The following TRPM1 variants were observed in gnomAD, a reference collection of about 807,000 sequenced individuals.
TRPM1 encodes transient receptor potential cation channel subfamily M member 1, also known as TRPM1-203 APA Isoform, Intron 10.
A neutral mutation model predicts 149.4 loss-of-function variants in TRPM1; 113 were observed. The ratio of observed to expected loss-of-function variants is 0.76; its 90% CI spans 0.65 to 0.88. TRPM1 has a LOEUF of 0.88. TRPM1 is among the 40% of genes least tolerant of loss of function. The probability of loss-of-function intolerance (pLI) is 0.00; values close to 1 mark genes in which losing one functional copy is unlikely to be tolerated. For synonymous variants in TRPM1, 741 were observed against 759.5 expected (o/e 0.98, Z 0.40); for missense variants, 1,976 against 2,038.7 (o/e 0.97, Z 0.59).
intron 1 of TRPM1, among the ~76,000 whole-genome samples, chr15:31,093,260 C>CAA (rs34790478): frequency 4.9e-4 from 31 of 63,206 alleles, no homozygotes; most frequent in African/African-American, 8.2e-4. Context: ...GACTTTGTCT[C>CAA]AAAAAAAAAA....
intron 1 of TRPM1, among the ~76,000 whole-genome samples, chr15:31,132,333 C>T (rs896621878): frequency 5.3e-5 from 8 of 152,208 alleles, no homozygotes; most frequent in Non-Finnish European, 8.8e-5. Context: ...AGCTCAAGTG[C>T]TCGGCTCCTG....
chr15:31,007,292 A>G (rs2032025714), intron 27 of TRPM1, among the ~76,000 whole-genome samples: 1 of 152,134 alleles, frequency 6.6e-6, no homozygotes, highest in African/African-American at 2.4e-5. Context: ...GGGGAAAGAA[A>G]TCAATTATCT....
intron 2 of TRPM1, among the ~76,000 whole-genome samples, chr15:31,080,035 A>G (rs1296254300): frequency 6.6e-6 from 1 of 152,228 alleles, no homozygotes; most frequent in Non-Finnish European, 1.5e-5. Context: ...ATGAAGAATT[A>G]TAACCTTTAG....
chr15:31,085,164 A>C (rs937060531), intron 1 of TRPM1, among the ~76,000 whole-genome samples: 2 of 152,164 alleles, frequency 1.3e-5, no homozygotes, highest in African/African-American at 2.4e-5. Flanking sequence ...TTTAAAAAAG[A>C]GAAAAAGGAG....
intron 14 of TRPM1, 128 bp from the exon 15 acceptor site, chr15:31,047,379 G>T: frequency 1.0e-6 from 1 of 1,004,708 alleles, no homozygotes. Context: ...GGGTGGGTGG[G>T]GGATTAAACA....
At position 31,001,345 on chromosome 15, in the gene TRPM1, T is replaced by G. The variant is rs1566980525; in HGVS notation, c.*477A>C. 1 of 152,594 alleles carries G rather than the reference T, an allele frequency of 6.6e-6. No individual in the cohort carries two copies. The highest frequency in any genetic ancestry group is 2.4e-5 in the African/African-American group (1 of 41,382). The allele number at this position is 152,594 out of a possible 1,614,324, so 9.5% of individuals were successfully genotyped here. On this transcript the variant is annotated 3_prime_UTR_variant, in exon 28 of 28. Transcript: ENST00000256552. Reference sequence around the variant, plus strand: ...ACACAGTTGCTTACTTTTTTTTTTTTTTTTAAGAGATGGGGTATCACTATG... The same window carrying G: ...ACACAGTTGCTTACTTTTTTTTTTTGTTTTAAGAGATGGGGTATCACTATG...
At chr15:31,042,363 A>C (rs2033646446) in intron 16 of TRPM1, 120 bp from the exon 17 acceptor site, 11 of 1,012,028 alleles carry the variant, frequency 1.1e-5, no homozygotes, top group African/African-American at 1.6e-5. Context: ...TCTGAAGTAC[A>C]TCTTACATTT....
At chr15:31,153,072 A>G (rs2036324568) in intron 1 of TRPM1, among the ~76,000 whole-genome samples, 1 of 152,228 alleles carries the variant, frequency 6.6e-6, no homozygotes, top group Non-Finnish European at 1.5e-5. Flanking sequence ...TATTTCTTTG[A>G]CATATTTTGG....
chr15:31,101,595 C>A, intron 1 of TRPM1, 62 bp downstream of exon 1: 2 of 956,308 alleles, frequency 2.1e-6, no homozygotes, highest in African/African-American at 3.5e-5. Context: ...TGAGTTTACC[C>A]ACACCTGAGG....
rs566064437 is a variant in TRPM1 at position 31,114,643 on chromosome 15, A to G, written c.55-37659T>C. On this transcript the variant is annotated intron_variant, in intron 1 of 26. Coordinates refer to the TRPM1 transcript ENST00000542188. ...TACTAAAAAGGCAGCTGACCTCTCAACAGAAGCAAAGAAGGGCAGAAGGTA... is the reference window on the plus strand; with the variant it reads ...TACTAAAAAGGCAGCTGACCTCTCAGCAGAAGCAAAGAAGGGCAGAAGGTA... Among the ~76,000 whole-genome samples, 51 of 152,352 alleles carry G rather than the reference A, an allele frequency of 3.3e-4. No homozygotes were observed. The South Asian group carries it at 0.01, about 31-fold the overall frequency.
At chr15:31,082,012 C>G (rs1214428244) in intron 1 of TRPM1, among the ~76,000 whole-genome samples, 1 of 152,126 alleles carries the variant, frequency 6.6e-6, no homozygotes, top group African/African-American at 2.4e-5. Context: ...CTGAACAATG[C>G]CAAGGTCATA....
At chr15:31,102,985 G>A (rs2035545935), upstream of TRPM1, among the ~76,000 whole-genome samples, 1 of 152,188 alleles carries the variant, frequency 6.6e-6, no homozygotes, top group African/African-American at 2.4e-5. Flanking sequence ...GGTGCTACGT[G>A]GCCGGAATTC....
rs2033640330 is a variant in TRPM1, at chr15:31,042,204, T to C, written c.1834A>G (p.Lys612Glu). Residue 612 changes from lysine (K) to glutamate (E), a missense_variant, in exon 17 of 28, where the codon AAG becomes GAG. Physicochemically the swap from Lys to Glu is moderately conservative, Grantham distance 56 (BLOSUM62 1). Transcript: ENST00000256552. ...ATGTCGATCTCTTCCTCCTTTTTCT[T>C]CTTTTTCTTTTTCTTCCCTTTAGCT... ...PPAKGKKKKKKKKEEEIDIDV... is the reference protein window; with the variant it reads ...PPAKGKKKKKEKKEEEIDIDV... 6.2e-7 allele frequency: 1 copy of C among 1,603,198 alleles called. No individual in the cohort carries two copies. The highest frequency in any genetic ancestry group is 8.5e-7 in the Non-Finnish European group (1 of 1,174,800).
intron 1 of TRPM1, among the ~76,000 whole-genome samples, chr15:31,144,711 G>GTTTTTTT (rs1567078292): frequency 1.4e-5 from 2 of 142,930 alleles, no homozygotes; most frequent in Non-Finnish European, 1.5e-5. Context: ...TTGTTTTTGA[G>GTTTTTTT]ATTTTTTTTT....
chr15:31,021,702 T>TAA (rs34186876), intron 27 of TRPM1, among the ~76,000 whole-genome samples: 355 of 119,358 alleles, frequency 3.0e-3, no homozygotes, highest in African/African-American at 0.01. Flanking sequence ...TCTCTAGAAT[T>TAA]AAAAAAAAAA....
intron 1 of TRPM1, among the ~76,000 whole-genome samples, chr15:31,133,498 C>T (rs916757048): frequency 6.6e-6 from 1 of 152,070 alleles, no homozygotes; most frequent in African/African-American, 2.4e-5. Flanking sequence ...GAGTTCAAGA[C>T]CAGCTTGGCC....
At chr15:31,113,877 G>A (rs932454042) in intron 1 of TRPM1, among the ~76,000 whole-genome samples, 3 of 152,202 alleles carry the variant, frequency 2.0e-5, no homozygotes, top group Admixed American at 2.0e-4. Flanking sequence ...AGGGTACCGA[G>A]CAAATTGACT....
chr15:31,052,885 G>T (rs906901944), intron 11 of TRPM1, among the ~76,000 whole-genome samples: 17 of 152,128 alleles, frequency 1.1e-4, no homozygotes, highest in African/African-American at 2.4e-5. Flanking sequence ...CAAAGGCACA[G>T]GCACAAACGG....
chr15:31,037,839 C>A lies in TRPM1; in HGVS notation c.2443G>T (p.Ala815Ser). The change falls in exon 20 of 28, where the codon GCA (alanine) becomes TCA (serine). Residue 815 changes from alanine to serine, a missense_variant. By Grantham distance (99) the Ala-to-Ser change is moderately conservative. Coordinates refer to ENST00000256552, the MANE Select transcript of TRPM1 (RefSeq NM_001252024.2). ...GKEKEEENTD[A>S]NADAGSRKGD... Reference sequence around the variant, plus strand: ...TTTCTTGAGCCAGCATCTGCATTTGCATCCTGGAAAACAGAGCACAGCACA... The same window carrying A: ...TTTCTTGAGCCAGCATCTGCATTTGAATCCTGGAAAACAGAGCACAGCACA... 6.2e-7 allele frequency: 1 copy of A among 1,614,132 alleles called. No individual in the cohort carries two copies. Among genetic ancestry groups the A allele is most frequent in the Non-Finnish European group, 8.5e-7 (1 of 1,180,008 alleles).
Sources: gnomAD v4.1 joint callset for allele counts (sites outside exome capture counted in the v4.1 genomes callset) on GRCh38, gnomAD v4.1.1 for gene constraint, MANE v1.5 for transcripts, NCBI Gene and HGNC (gene_info 2026-07-23, HGNC 2026-07-21) for gene names.